Variants in SMARCB1 observed in about 807,000 individuals in gnomAD.
The protein encoded by SMARCB1 is SWI/SNF related BAF chromatin remodeling complex subunit B1, also known as SWI/SNF-related matrix-associated actin-dependent regulator of chromatin subfamily B member 1.
Under a neutral mutation model 49.0 loss-of-function variants are expected in SMARCB1, and 5 were observed. That is an observed-to-expected ratio of 0.10 (90% CI 0.05 to 0.21). The LOEUF is 0.21. Ranked by LOEUF, SMARCB1 falls within the 10% of genes least tolerant of loss-of-function variation. The pLI is 1.00. For missense variants in SMARCB1, 226 were observed against 509.2 expected, an observed-to-expected ratio of 0.44 and a Z score of 5.35; for synonymous variants, 201 against 200.1, an observed-to-expected ratio of 1.00 and a Z score of -0.04.
At chr22:23,796,632 G>A (rs1479574219) in intron 3 of SMARCB1, among the ~76,000 whole-genome samples, 1 of 152,240 alleles carries the variant, frequency 6.6e-6, no homozygotes, top group Non-Finnish European at 1.5e-5. Context: ...AAGGGATGTG[G>A]TAAGAACATA....
rs1156792418 is a variant in SMARCB1 at position 23,813,952 on chromosome 22, C to G, written c.629-2818C>G. ...TCAAGCGTTTCTCCTGCCTTAGTCT[C>G]CCGAGTAGGTGGGATTACAGGTGCC... is the stretch of plus-strand genomic sequence containing the variant. On this transcript the variant is annotated intron_variant, in intron 5 of 8. Transcript: ENST00000644036. Among the ~76,000 whole-genome samples, 6 of 152,086 alleles carry G rather than the reference C, an allele frequency of 3.9e-5. No individual in the cohort carries two copies. The South Asian group carries it at 1.0e-3, about 26-fold the overall frequency.
rs2031077830 is a variant in SMARCB1, at chr22:23,836,743, TTC to T, written c.*2565_*2566del. 1 of 1,359,518 alleles carries T rather than the reference TTC, an allele frequency of 7.4e-7. No homozygotes were observed. Among genetic ancestry groups the T allele is most frequent in the Non-Finnish European group, 9.4e-7 (1 of 1,059,066 alleles). The allele number at this position is 1,359,518 out of a possible 1,614,324, so 84.2% of individuals were successfully genotyped here. On this transcript the variant is annotated 3_prime_UTR_variant, in exon 9 of 9. Transcript: ENST00000644036. Reference sequence around the variant, plus strand: ...CTGTGGGCCAAGAGACTGCAGCTCATTCTGTTTATTCAGGTGGGCCCTTGCAT... The same window carrying T: ...CTGTGGGCCAAGAGACTGCAGCTCATTGTTTATTCAGGTGGGCCCTTGCAT...
At position 23,817,029 on chromosome 22, in the gene SMARCB1, A is replaced by G. The variant is rs1601423002; in HGVS notation, c.795+93A>G. 11 of 1,038,210 alleles carry G rather than the reference A, an allele frequency of 1.1e-5. No homozygotes were observed. The East Asian group carries it at 2.8e-4, about 26-fold the overall frequency. 64.3% of individuals were successfully genotyped at this position (1,038,210 alleles called of 1,614,324 possible). A position where few individuals can be genotyped will look rare whatever the true frequency, so the allele number is the denominator to read the frequency against. On this transcript the variant is annotated intron_variant, in intron 6 of 8. Coordinates refer to ENST00000644036, the MANE Select transcript of SMARCB1 (RefSeq NM_003073.5). ...GAGGGTACACCAAGGCCTCAGCAGA[A>G]GCCCGTCTTTGGGTTCCATATCATC... is the stretch of plus-strand genomic sequence containing the variant.
At chr22:23,813,056 G>C (rs555419824) in intron 5 of SMARCB1, among the ~76,000 whole-genome samples, 40 of 152,166 alleles carry the variant, frequency 2.6e-4, no homozygotes, top group Middle Eastern at 3.4e-3. Context: ...TAGTAGAGAC[G>C]GGGTTTCACA....
intron 6 of SMARCB1, among the ~76,000 whole-genome samples, chr22:23,821,326 G>A (rs547500395): frequency 6.6e-5 from 10 of 151,994 alleles, no homozygotes; most frequent in African/African-American, 2.4e-4. Flanking sequence ...CGTGACCCTG[G>A]GAACAGTGTC....
rs2146027295 is a variant in SMARCB1, at chr22:23,825,433, T to G, written c.986+18T>G. The G allele has an allele frequency of 6.2e-7, 1 of 1,606,712 alleles. No homozygotes were observed. The stretch of plus-strand genomic sequence containing the variant: ...GCCTTCAGGTAGGATCATGCATGAG[T>G]CTCTCCCTCCCTCATCTCCCTGCAA... On this transcript the variant is annotated intron_variant, in intron 7 of 8. Transcript: ENST00000644036.
Position 23,836,885 on chromosome 22 carries a change from G to A in SMARCB1, c.*2705G>A. 6.8e-7 allele frequency: 1 copy of A among 1,477,756 alleles called. No individual in the cohort carries two copies. The highest frequency in any genetic ancestry group is 9.0e-7 in the Non-Finnish European group (1 of 1,112,604). 91.5% of individuals were successfully genotyped at this position (1,477,756 alleles called of 1,614,324 possible). A position where few individuals can be genotyped will look rare whatever the true frequency, so the allele number is the denominator to read the frequency against. On this transcript the variant is annotated 3_prime_UTR_variant, in exon 9 of 9. Coordinates refer to ENST00000644036, the MANE Select transcript of SMARCB1 (RefSeq NM_003073.5). ...GGGTGGGGGTCACTGCTGCGGGGGTGGCAGATGGGGTCCTGGCTGTTCCTC... is the reference window on the plus strand; with the variant it reads ...GGGTGGGGGTCACTGCTGCGGGGGTAGCAGATGGGGTCCTGGCTGTTCCTC...
intron 5 of SMARCB1, among the ~76,000 whole-genome samples, chr22:23,812,489 A>G (rs1369374398): frequency 1.3e-5 from 2 of 152,172 alleles, no homozygotes; most frequent in Non-Finnish European, 2.9e-5. Flanking sequence ...TAAAGCTCGT[A>G]TTACCTAGAT....
At chr22:23,815,251 G>A (rs1930116117) in intron 5 of SMARCB1, 2 of 152,070 alleles carry the variant, frequency 1.3e-5, no homozygotes, top group South Asian at 4.2e-4. Flanking sequence ...AACTAAACAT[G>A]CGGCCAGGCG....
chr22:23,795,261 A>G (rs530104301), intron 3 of SMARCB1, among the ~76,000 whole-genome samples: 2 of 152,016 alleles, frequency 1.3e-5, no homozygotes, highest in Non-Finnish European at 2.9e-5. Flanking sequence ...ACATAGTGAG[A>G]CGTTATCTCT....
chr22:23,829,421 G>C (rs1030876005), intron 7 of SMARCB1, among the ~76,000 whole-genome samples: 21 of 152,190 alleles, frequency 1.4e-4, no homozygotes, highest in African/African-American at 5.1e-4. Flanking sequence ...TCTGCCCCAG[G>C]GGGCTCTGCA....
At position 23,836,871 on chromosome 22, in the gene SMARCB1, A is replaced by C; in HGVS notation, c.*2691A>C. On this transcript the variant is annotated 3_prime_UTR_variant, in exon 9 of 9. Transcript: ENST00000644036. ...TTAGGCCTGGCCCTGGGTGGGGGTC[A>C]CTGCTGCGGGGGTGGCAGATGGGGT... 1 of 1,461,872 alleles carries C rather than the reference A, an allele frequency of 6.8e-7. No homozygotes were observed. The highest frequency in any genetic ancestry group is 1.4e-5 in the African/African-American group (1 of 70,080). The allele number at this position is 1,461,872 out of a possible 1,614,324, so 90.6% of individuals were successfully genotyped here.
chr22:23,835,987 G>A lies in SMARCB1; in HGVS notation c.*1807G>A. The A allele has an allele frequency of 1.0e-6, 1 of 985,528 alleles. No individual in the cohort carries two copies. Among genetic ancestry groups the A allele is most frequent in the Non-Finnish European group, 1.2e-6 (1 of 829,968 alleles). The allele number at this position is 985,528 out of a possible 1,614,324, so 61.0% of individuals were successfully genotyped here. On this transcript the variant is annotated 3_prime_UTR_variant, in exon 9 of 9. Coordinates refer to ENST00000644036, the MANE Select transcript of SMARCB1 (RefSeq NM_003073.5). ...TGAAAATGACAACCTGTCTTTGGAG[G>A]AGGCCCCGTGCCACTGAGCATCCAG...
rs373085149 is a variant in SMARCB1, at chr22:23,834,930, C to G, written c.*750C>G. 6.3e-5 allele frequency: 102 copies of G among 1,607,682 alleles called. No individual in the cohort carries two copies. The African/African-American group carries it at 1.2e-3, about 19-fold the overall frequency. On this transcript the variant is annotated 3_prime_UTR_variant, in exon 9 of 9. Transcript: ENST00000644036. The stretch of plus-strand genomic sequence containing the variant: ...AGCTGGGGCCTTGCTGCTCTGAAGT[C>G]CCCTGCGGAGGGCCCAGTCCTGTGT...
At chr22:23,801,119 T>TC in intron 4 of SMARCB1, 38 bp downstream of exon 4, 1 of 1,614,164 alleles carries the variant, frequency 6.2e-7, no homozygotes, top group South Asian at 1.1e-5. Flanking sequence ...CCGTGCTGAT[T>TC]CCGCCTTAGT....
chr22:23,812,005 A>G (rs1035810690), intron 5 of SMARCB1, among the ~76,000 whole-genome samples: 1 of 152,254 alleles, frequency 6.6e-6, no homozygotes, highest in African/African-American at 2.4e-5. Flanking sequence ...CCCTGCAGAT[A>G]TCAAAAGGAA....
chr22:23,834,733 G>T lies in SMARCB1; in HGVS notation c.*553G>T. The T allele has an allele frequency of 6.8e-7, 1 of 1,470,616 alleles. No homozygotes were observed. Among genetic ancestry groups the T allele is most frequent in the South Asian group, 1.3e-5 (1 of 74,130 alleles). 91.1% of individuals were successfully genotyped at this position (1,470,616 alleles called of 1,614,324 possible). A position where few individuals can be genotyped will look rare whatever the true frequency, so the allele number is the denominator to read the frequency against. ...CTCCCCTCAGCCTGTTCTCCTTCCA[G>T]ACCCAGAGAGCTGAGAAGAGTAGCT... On this transcript the variant is annotated 3_prime_UTR_variant, in exon 9 of 9. Transcript: ENST00000644036.
At chr22:23,790,379 C>T (rs1928301193) in intron 1 of SMARCB1, among the ~76,000 whole-genome samples, 1 of 152,132 alleles carries the variant, frequency 6.6e-6, no homozygotes, top group South Asian at 2.1e-4. Context: ...TTGTTGATTA[C>T]AGTCACTGCT....
In SMARCB1 at chr22:23,787,248, A is replaced by G. The variant is rs762676176; in HGVS notation, c.79A>G (p.Met27Val). 1.2e-6 allele frequency: 2 copies of G among 1,601,198 alleles called. No individual in the cohort carries two copies. Among genetic ancestry groups the G allele is most frequent in the Non-Finnish European group, 1.7e-6 (2 of 1,171,364 alleles). ...GCTGGAGGACGACGGCGAGTTCTAC[A>G]TGATCGGCTCCGAGGTAGCCCGGGG... ...FQLEDDGEFY[M>V]IGSEVGNYLR... is the part of the protein sequence containing the mutation. Residue 27 changes from methionine to valine, a missense_variant, in exon 1 of 9, where the codon ATG (methionine) becomes GTG (valine). By Grantham distance (21) the Met-to-Val change is conservative. This residue lies in a region of SMARCB1 where 37 missense variants were observed against 36.9 expected (regional missense o/e 1.00). Transcript: ENST00000644036.
Sources: allele counts gnomAD v4.1 joint callset (sites outside exome capture counted in the v4.1 genomes callset), GRCh38; gene constraint gnomAD v4.1.1; regional missense constraint gnomAD v4.1.1; transcripts MANE v1.5; gene names NCBI Gene and HGNC (gene_info 2026-07-23, HGNC 2026-07-21).